C8orf34: variants seen among roughly 807,000 people sequenced by gnomAD.
The protein encoded by C8orf34 is chromosome 8 open reading frame 34.
A neutral mutation model predicts 68.3 loss-of-function variants in C8orf34; 65 were observed. The observed-to-expected ratio is 0.95, with a 90% CI of 0.78 to 1.17. C8orf34 has a LOEUF of 1.17. Ranked by LOEUF, C8orf34 falls within the 50% of genes most tolerant of loss-of-function variation. C8orf34 has a pLI of 0.00. For missense variants in C8orf34, 664 were observed against 655.4 expected, an observed-to-expected ratio of 1.01 and a Z score of -0.14; for synonymous variants, 244 against 241.2, an observed-to-expected ratio of 1.01 and a Z score of -0.11.
chr8:68,741,954 A>G (rs921207356), intron 10 of C8orf34, among the ~76,000 whole-genome samples: 13 of 152,180 alleles, frequency 8.5e-5, no homozygotes, highest in African/African-American at 2.7e-4. Flanking sequence ...GACATAACCA[A>G]TCTATCCAAC....
intron 10 of C8orf34, among the ~76,000 whole-genome samples, chr8:68,748,060 A>G (rs2129527519): frequency 6.7e-6 from 1 of 150,118 alleles, no homozygotes; most frequent in Admixed American, 6.6e-5. Context: ...GGAACACAAC[A>G]GAGCCCTCAG....
intron 10 of C8orf34, among the ~76,000 whole-genome samples, chr8:68,761,490 A>T (rs1360562472): frequency 2.0e-5 from 3 of 152,224 alleles, no homozygotes; most frequent in Admixed American, 2.0e-4. Flanking sequence ...TCTCTGAAAC[A>T]AACAAAAAAC....
At chr8:68,787,632 A>T (rs921591684) in intron 12 of C8orf34, 96 bp downstream of exon 12, 18 of 242,356 alleles carry the variant, frequency 7.4e-5, no homozygotes, top group African/African-American at 3.4e-4. Flanking sequence ...CAACTTCTGT[A>T]AAAAAAAAAA....
intron 1 of C8orf34, among the ~76,000 whole-genome samples, chr8:68,432,713 T>C (rs1476726275): frequency 2.1e-5 from 3 of 144,192 alleles, no homozygotes; most frequent in Admixed American, 6.8e-5. Context: ...GTTGAACCAC[T>C]AGGGGACAGT....
At chr8:68,566,280 G>A (rs1816585822) in intron 7 of C8orf34, among the ~76,000 whole-genome samples, 1 of 152,156 alleles carries the variant, frequency 6.6e-6, no homozygotes, top group South Asian at 2.1e-4. Context: ...CCAGTACCCA[G>A]TAGTTGTCTT....
intron 4 of C8orf34, among the ~76,000 whole-genome samples, chr8:68,483,320 G>A (rs1164202122): frequency 6.6e-6 from 1 of 152,186 alleles, no homozygotes; most frequent in Non-Finnish European, 1.5e-5. Context: ...GTCTGAGGAA[G>A]CTGAAAGGCT....
At chr8:68,554,712 A>C (rs56138342) in intron 7 of C8orf34, among the ~76,000 whole-genome samples, 31,022 of 151,962 alleles carry the variant, frequency 0.2, 4,221 homozygotes, top group African/African-American at 0.39. Context: ...CTCCCATTTA[A>C]AGACAAGGCA....
At chr8:68,610,002 G>A (rs2130554531) in intron 7 of C8orf34, among the ~76,000 whole-genome samples, 1 of 152,270 alleles carries the variant, frequency 6.6e-6, no homozygotes, top group East Asian at 1.9e-4. Flanking sequence ...CTGAGGCTGA[G>A]CATGGATCAA....
At chr8:68,513,075 T>A (rs766710512) in intron 5 of C8orf34, among the ~76,000 whole-genome samples, 19 of 152,210 alleles carry the variant, frequency 1.2e-4, no homozygotes, top group Non-Finnish European at 2.5e-4. Context: ...CTCAAAACAC[T>A]TAGCAAACCT....
chr8:68,802,287 A>T (rs1824353963), intron 12 of C8orf34, among the ~76,000 whole-genome samples: 1 of 151,210 alleles, frequency 6.6e-6, no homozygotes. Context: ...TTTAGTAGAG[A>T]AGGGGTTTCT....
rs80221143 is a variant in C8orf34, at chr8:68,405,856, G to A, written c.328-33643G>A. 6.7e-3 allele frequency among the ~76,000 whole-genome samples: 1,017 copies of A among 152,082 alleles called. 12 individuals carry two copies. Among genetic ancestry groups the A allele is most frequent in the African/African-American group, 0.022 (909 of 41,466 alleles). ...ATTTTCCTTTATAATGAAACTTAGCGCTTTTATTATTGAATCTCAACTTTT... is the reference window on the plus strand; with the variant it reads ...ATTTTCCTTTATAATGAAACTTAGCACTTTTATTATTGAATCTCAACTTTT... On this transcript the variant is annotated intron_variant, in intron 1 of 13. Transcript: ENST00000518698.
intron 10 of C8orf34, among the ~76,000 whole-genome samples, chr8:68,739,804 A>G (rs1822228518): frequency 6.6e-6 from 1 of 151,998 alleles, no homozygotes; most frequent in East Asian, 1.9e-4. Context: ...GAAACAAACA[A>G]ACAAACGAAC....
chr8:68,378,394 A>T (rs1377283218), intron 1 of C8orf34, among the ~76,000 whole-genome samples: 2 of 152,094 alleles, frequency 1.3e-5, no homozygotes, highest in African/African-American at 4.8e-5. Flanking sequence ...GGCTCATTGC[A>T]GCCTTGGCCT....
chr8:68,734,240 C>T (rs144334085), intron 10 of C8orf34, among the ~76,000 whole-genome samples: 27 of 152,152 alleles, frequency 1.8e-4, no homozygotes, highest in Non-Finnish European at 2.9e-4. Context: ...CATGTAGGGT[C>T]TGTTGTTCCA....
chr8:68,787,959 T>C (rs1483182022), intron 12 of C8orf34, among the ~76,000 whole-genome samples: 1 of 152,204 alleles, frequency 6.6e-6, no homozygotes, highest in Non-Finnish European at 1.5e-5. Flanking sequence ...TGTTCTAAGT[T>C]CACAAAACAA....
intron 7 of C8orf34, among the ~76,000 whole-genome samples, chr8:68,552,686 G>A (rs927548611): frequency 2.0e-5 from 3 of 152,070 alleles, no homozygotes; most frequent in Non-Finnish European, 4.4e-5. Context: ...TCAACATTAA[G>A]TATATGTTGG....
chr8:68,479,522 G>A (rs915563195), intron 4 of C8orf34, among the ~76,000 whole-genome samples: 2 of 152,142 alleles, frequency 1.3e-5, no homozygotes, highest in Non-Finnish European at 2.9e-5. Flanking sequence ...AGAACTTGCA[G>A]ATTCAGGAGA....
chr8:68,463,781 G>T (rs1811969182), intron 3 of C8orf34, among the ~76,000 whole-genome samples: 1 of 152,138 alleles, frequency 6.6e-6, no homozygotes, highest in Admixed American at 6.6e-5. Context: ...AGGTATTGAT[G>T]GGACGTATCT....
rs369626810 is a variant in C8orf34, at chr8:68,525,800, A to G, written c.938+3829A>G. ...GCCATGCTTCATCACAGTGAGAAAC[A>G]GGATGATAACTCTGGAGCATGGCTT... On this transcript the variant is annotated intron_variant, in intron 6 of 13. Transcript: ENST00000518698. The G allele has an allele frequency of 3.7e-4, 205 of 547,092 alleles. 1 individual carries two copies. Among genetic ancestry groups the G allele is most frequent in the African/African-American group, 3.5e-3 (183 of 53,002 alleles). 33.9% of individuals were successfully genotyped at this position (547,092 alleles called of 1,614,324 possible).
Sources: gnomAD v4.1 joint callset for allele counts (sites outside exome capture counted in the v4.1 genomes callset) on GRCh38, gnomAD v4.1.1 for gene constraint, MANE v1.5 for transcripts, NCBI Gene and HGNC (gene_info 2026-07-23, HGNC 2026-07-21) for gene names.